ARRDC4: variants seen among roughly 807,000 people sequenced by gnomAD.
The protein encoded by ARRDC4 is arrestin domain-containing protein 4.
ARRDC4 carries 40 observed loss-of-function variants against 44.6 expected under a neutral mutation model. The ratio of observed to expected loss-of-function variants is 0.90; its 90% CI spans 0.70 to 1.17. The LOEUF (loss-of-function observed/expected upper bound fraction) is 1.17, where lower values mean the gene tolerates loss of function less well. ARRDC4 is among the 50% of genes most tolerant of loss of function. The pLI is 0.00. For missense variants in ARRDC4, 550 were observed against 559.1 expected, an observed-to-expected ratio of 0.98 and a Z score of 0.16; for synonymous variants, 211 against 221.2, an observed-to-expected ratio of 0.95 and a Z score of 0.41.
Position 97,971,344 on chromosome 15 carries a change from T to G in ARRDC4, c.*157T>G, listed in dbSNP as rs1596306241. The G allele has an allele frequency of 1.4e-6, 1 of 735,428 alleles. No homozygotes were observed. Among genetic ancestry groups the G allele is most frequent in the Admixed American group, 2.7e-5 (1 of 37,144 alleles). The allele number at this position is 735,428 out of a possible 1,614,324, so 45.6% of individuals were successfully genotyped here. ...ATTAAAGAATGTGAGAAAGTTCTGG[T>G]GGGCCGGCAGGATTGCCGCACAAGT... On this transcript the variant is annotated 3_prime_UTR_variant, in exon 8 of 8. Transcript: ENST00000268042.
Position 97,969,906 on chromosome 15 carries a change from TA to T in ARRDC4, c.912del (p.Lys304AsnfsTer2). On this transcript the variant is annotated frameshift_variant, in exon 6 of 8. Transcript: ENST00000268042. LOFTEE classifies it high-confidence loss of function. ...AGGTATACATTCACATTCCTGGTGC[TA>T]AAAAATTGATGCTCGAACTGCCATT... ...LAVYIHIPGA[K>X]KLMLELPLVI... The T allele has an allele frequency of 6.2e-7, 1 of 1,604,340 alleles. No individual in the cohort carries two copies. The highest frequency in any genetic ancestry group is 8.5e-7 in the Non-Finnish European group (1 of 1,174,416).
Position 97,972,186 on chromosome 15 carries a change from G to A in ARRDC4, c.*999G>A, listed in dbSNP as rs1391674334. Reference sequence around the variant, plus strand: ...CTCATCTATCACTAAATATGAAACTGGGCCAAGGGGAAAATTCAGTAAGTT... The same window carrying A: ...CTCATCTATCACTAAATATGAAACTAGGCCAAGGGGAAAATTCAGTAAGTT... On this transcript the variant is annotated 3_prime_UTR_variant, in exon 8 of 8. Transcript: ENST00000268042. This position sits in a 1 kb window ranked among gnomAD's most constrained non-coding sequence, Gnocchi z 5.3. 6.6e-6 allele frequency: 1 copy of A among 152,472 alleles called. No homozygotes were observed. The highest frequency in any genetic ancestry group is 1.5e-5 in the Non-Finnish European group (1 of 67,994). 9.4% of individuals were successfully genotyped at this position (152,472 alleles called of 1,614,324 possible).
Position 97,969,735 on chromosome 15 carries a change from A to C in ARRDC4, c.883-148A>C. On this transcript the variant is annotated intron_variant, in intron 5 of 7. Transcript: ENST00000268042. ...GTTTTGTGTACTCTTCATTTTGTTT[A>C]ATCAAGACAATTGAGAATTGTGATG... 9.6e-6 allele frequency: 7 copies of C among 732,246 alleles called. No homozygotes were observed. The South Asian group carries it at 1.5e-4, about 15-fold the overall frequency. The allele number at this position is 732,246 out of a possible 1,614,324, so 45.4% of individuals were successfully genotyped here.
At chr15:97,969,492 C>T in intron 5 of ARRDC4, 113 bp downstream of exon 5, 1 of 1,201,182 alleles carries the variant, frequency 8.3e-7, no homozygotes, top group Non-Finnish European at 1.2e-6. Flanking sequence ...TCAGCATTAA[C>T]ACCAATTGGG....
At chr15:97,961,346 C>CTT (rs982895397) in intron 1 of ARRDC4, among the ~76,000 whole-genome samples, 178 bp downstream of exon 1, 2 of 152,178 alleles carry the variant, frequency 1.3e-5, no homozygotes, top group Non-Finnish European at 2.9e-5. Context: ...GTGCGCAGCT[C>CTT]TTCCTGGCGC....
rs763127839 is a variant in ARRDC4 at position 97,970,810 on chromosome 15, G to A, written c.1200+67G>A. ...TTCAAATAATCATTTTTTGTCATCC[G>A]TTCATTAGAGTGTCTGTTGCTGACT... is the stretch of plus-strand genomic sequence containing the variant. On this transcript the variant is annotated intron_variant, in intron 7 of 7. Coordinates refer to ENST00000268042, the MANE Select transcript of ARRDC4 (RefSeq NM_183376.3). This position sits in a 1 kb window ranked among gnomAD's most constrained non-coding sequence, Gnocchi z 4.2. The A allele has an allele frequency of 1.9e-5, 29 of 1,492,832 alleles. No individual in the cohort carries two copies. The highest frequency in any genetic ancestry group is 2.5e-5 in the Non-Finnish European group (27 of 1,089,538). The allele number at this position is 1,492,832 out of a possible 1,614,324, so 92.5% of individuals were successfully genotyped here. A position where few individuals can be genotyped will look rare whatever the true frequency, so the allele number is the denominator to read the frequency against.
In ARRDC4 at chr15:97,970,233, C is replaced by T. The variant is rs944337223; in HGVS notation, c.1045+188C>T. ...TTTGAAAGTTTAGCTTTATCTAGGA[C>T]GCAAAGCTGCTGATAGCAGATTCAG... is the stretch of plus-strand genomic sequence containing the variant. On this transcript the variant is annotated intron_variant, in intron 6 of 7. Coordinates refer to ENST00000268042, the MANE Select transcript of ARRDC4 (RefSeq NM_183376.3). This position sits in a 1 kb window ranked among gnomAD's most constrained non-coding sequence, Gnocchi z 4.2. 3.3e-5 allele frequency among the ~76,000 whole-genome samples: 5 copies of T among 152,002 alleles called. No homozygotes were observed. The highest frequency in any genetic ancestry group is 7.4e-5 in the Non-Finnish European group (5 of 67,992).
Position 97,969,287 on chromosome 15 carries a change from A to G in ARRDC4, c.790A>G (p.Thr264Ala), listed in dbSNP as rs780991230. The change falls in exon 5 of 8, where the codon ACA becomes GCA. Residue 264 changes from threonine (T) to alanine (A), a missense_variant. Physicochemically the swap from Thr to Ala is moderately conservative, Grantham distance 58. Transcript: ENST00000268042. ...AGGAAACCACATCGCTTCTGGGAGCACAGACACATGGAATGGGAAAACGCT... is the reference window on the plus strand; with the variant it reads ...AGGAAACCACATCGCTTCTGGGAGCGCAGACACATGGAATGGGAAAACGCT... ...VRGNHIASGSTDTWNGKTLKI... is the reference protein window; with the variant it reads ...VRGNHIASGSADTWNGKTLKI... 2 of 1,613,964 alleles carry G rather than the reference A, an allele frequency of 1.2e-6. No homozygotes were observed. Among genetic ancestry groups the G allele is most frequent in the South Asian group, 1.1e-5 (1 of 91,082 alleles).
chr15:97,973,480 G>A lies in ARRDC4; in HGVS notation c.*2293G>A, dbSNP rs900663002. On this transcript the variant is annotated 3_prime_UTR_variant, in exon 8 of 8. Transcript: ENST00000268042. ...TTCTACATTGAAACAGAAAATACCTGGGAATGAAGATTAAAAATGTAGCTG... is the reference window on the plus strand; with the variant it reads ...TTCTACATTGAAACAGAAAATACCTAGGAATGAAGATTAAAAATGTAGCTG... 6.6e-6 allele frequency: 1 copy of A among 152,612 alleles called. No individual in the cohort carries two copies. The highest frequency in any genetic ancestry group is 1.9e-4 in the East Asian group (1 of 5,182). The allele number at this position is 152,612 out of a possible 1,614,324, so 9.5% of individuals were successfully genotyped here. A position where few individuals can be genotyped will look rare whatever the true frequency, so the allele number is the denominator to read the frequency against.
Position 97,969,310 on chromosome 15 carries a change from G to A in ARRDC4, c.813G>A (p.Thr271=), listed in dbSNP as rs112818301. ...GCACAGACACATGGAATGGGAAAAC[G>A]CTAAAAATCCCACCTGTTACTCCAT... ...SGSTDTWNGK[T]LKIPPVTPSI... is the part of the protein sequence containing the mutation. Residue 271 remains threonine (T), a synonymous_variant, in exon 5 of 8, where the codon ACG becomes ACA. Coordinates refer to ENST00000268042, the MANE Select transcript of ARRDC4 (RefSeq NM_183376.3). The A allele has an allele frequency of 7.4e-6, 12 of 1,613,884 alleles. 1 individual carries two copies. The African/African-American group carries it at 9.3e-5, about 13-fold the overall frequency.
intron 1 of ARRDC4, among the ~76,000 whole-genome samples, chr15:97,962,928 T>A (rs1899346475): frequency 6.6e-6 from 1 of 152,254 alleles, no homozygotes; most frequent in Non-Finnish European, 1.5e-5. Flanking sequence ...TTTTCACAAA[T>A]GCTCTCCAGA....
rs1899529970 is a variant in ARRDC4 at position 97,972,298 on chromosome 15, G to A, written c.*1111G>A. ...AAAGAAGGTAGGAGTGCCATTTTTA[G>A]AAAAGACACAACTTTAATTCCTGTC... is the stretch of plus-strand genomic sequence containing the variant. On this transcript the variant is annotated 3_prime_UTR_variant, in exon 8 of 8. Transcript: ENST00000268042. The surrounding 1 kb of genome is among the most constrained non-coding windows in gnomAD (Gnocchi z 5.3). 2 of 152,576 alleles carry A rather than the reference G, an allele frequency of 1.3e-5. No homozygotes were observed. Among genetic ancestry groups the A allele is most frequent in the African/African-American group, 4.8e-5 (2 of 41,450 alleles). The allele number at this position is 152,576 out of a possible 1,614,324, so 9.5% of individuals were successfully genotyped here. A position where few individuals can be genotyped will look rare whatever the true frequency, so the allele number is the denominator to read the frequency against.
At chr15:97,961,828 C>T (rs1899328345) in intron 1 of ARRDC4, among the ~76,000 whole-genome samples, 1 of 152,162 alleles carries the variant, frequency 6.6e-6, no homozygotes, top group South Asian at 2.1e-4. Context: ...TCCCCTCTCC[C>T]CCACTTCTCT....
rs1899511487 is a variant in ARRDC4, at chr15:97,971,352, C to T, written c.*165C>T. The T allele has an allele frequency of 1.5e-6, 1 of 682,480 alleles. No individual in the cohort carries two copies. The highest frequency in any genetic ancestry group is 2.8e-5 in the Admixed American group (1 of 36,054). 42.3% of individuals were successfully genotyped at this position (682,480 alleles called of 1,614,324 possible). ...ATGTGAGAAAGTTCTGGTGGGCCGG[C>T]AGGATTGCCGCACAAGTTTATATGA... is the stretch of plus-strand genomic sequence containing the variant. On this transcript the variant is annotated 3_prime_UTR_variant, in exon 8 of 8. Transcript: ENST00000268042.
Position 97,971,351 on chromosome 15 carries a change from G to A in ARRDC4, c.*164G>A, listed in dbSNP as rs2141537724. On this transcript the variant is annotated 3_prime_UTR_variant, in exon 8 of 8. Coordinates refer to ENST00000268042, the MANE Select transcript of ARRDC4 (RefSeq NM_183376.3). ...AATGTGAGAAAGTTCTGGTGGGCCG[G>A]CAGGATTGCCGCACAAGTTTATATG... The A allele has an allele frequency of 1.5e-6, 1 of 687,810 alleles. No homozygotes were observed. Among genetic ancestry groups the A allele is most frequent in the South Asian group, 1.9e-5 (1 of 54,022 alleles). 42.6% of individuals were successfully genotyped at this position (687,810 alleles called of 1,614,324 possible). A position where few individuals can be genotyped will look rare whatever the true frequency, so the allele number is the denominator to read the frequency against.
At chr15:97,961,195 C>A in intron 1 of ARRDC4, 27 bp downstream of exon 1, 1 of 1,377,452 alleles carries the variant, frequency 7.3e-7, no homozygotes, top group South Asian at 1.7e-5. Context: ...GCCTGGGGTT[C>A]CCCCGCCAGG....
chr15:97,970,023 G>C lies in ARRDC4; in HGVS notation c.1023G>C (p.Leu341=), dbSNP rs1899483128. Reference sequence around the variant, plus strand: ...GTATGGATATGAGCTGGTTGACACTGACCCTGCCAGAGCAGCCTGAAGGTA... The same window carrying C: ...GTATGGATATGAGCTGGTTGACACTCACCCTGCCAGAGCAGCCTGAAGGTA... The part of the protein sequence containing the change: ...QFSMDMSWLT[L]TLPEQPEAPP... Residue 341 remains leucine (L), a synonymous_variant, in exon 6 of 8, where the codon CTG becomes CTC. Coordinates refer to ENST00000268042, the MANE Select transcript of ARRDC4 (RefSeq NM_183376.3). The surrounding 1 kb of genome is among the most constrained non-coding windows in gnomAD (Gnocchi z 4.2). 14 of 1,610,484 alleles carry C rather than the reference G, an allele frequency of 8.7e-6. No individual in the cohort carries two copies. The highest frequency in any genetic ancestry group is 1.2e-5 in the Non-Finnish European group (14 of 1,178,154).
chr15:97,970,932 C>T lies in ARRDC4; in HGVS notation c.1200+189C>T, dbSNP rs1260427273. 6.6e-6 allele frequency among the ~76,000 whole-genome samples: 1 copy of T among 152,056 alleles called. No individual in the cohort carries two copies. Among genetic ancestry groups the T allele is most frequent in the African/African-American group, 2.4e-5 (1 of 41,424 alleles). ...ATTTTTTTACTATTGTCCTTGTGAT[C>T]TATGGCATCAGATACAGTATTGTGG... On this transcript the variant is annotated intron_variant, in intron 7 of 7. Coordinates refer to ENST00000268042, the MANE Select transcript of ARRDC4 (RefSeq NM_183376.3). This position sits in a 1 kb window ranked among gnomAD's most constrained non-coding sequence, Gnocchi z 4.2.
rs1167957038 is a variant in ARRDC4, at chr15:97,969,239, C to T, written c.742C>T (p.Arg248Ter). The change falls in exon 5 of 8, where the codon CGA becomes TGA. Residue 248 changes from arginine (R) to a stop codon, truncating the protein, a stop_gained. Transcript: ENST00000268042. LOFTEE classifies it high-confidence loss of function. ...GGCTAGTGGAAAAACAAAGACCATTCGACACATGGTCGCCAATGTGCGAGG... is the reference window on the plus strand; with the variant it reads ...GGCTAGTGGAAAAACAAAGACCATTTGACACATGGTCGCCAATGTGCGAGG... The part of the protein sequence containing the change: ...YLASGKTKTI[R>*]HMVANVRGNH... The T allele has an allele frequency of 5.0e-6, 8 of 1,613,892 alleles. No homozygotes were observed. Among genetic ancestry groups the T allele is most frequent in the African/African-American group, 1.3e-5 (1 of 75,030 alleles).
Sources: allele counts gnomAD v4.1 joint callset (sites outside exome capture counted in the v4.1 genomes callset), GRCh38; gene constraint gnomAD v4.1.1; non-coding constraint Gnocchi (gnomAD v3.1); transcripts MANE v1.5; gene names NCBI Gene and HGNC (gene_info 2026-07-23, HGNC 2026-07-21).